RTF2: variants seen among roughly 807,000 people sequenced by gnomAD.
RTF2 encodes the protein UPF0549 protein C20orf43.
In RTF2, 18 loss-of-function variants were observed where a neutral mutation model predicts 38.0. That is an observed-to-expected ratio of 0.47 (90% CI 0.33 to 0.70). The LOEUF is 0.70. Ranked by LOEUF, RTF2 falls within the 30% of genes least tolerant of loss-of-function variation. The probability of loss-of-function intolerance (pLI) is 0.02; values close to 1 mark genes in which losing one functional copy is unlikely to be tolerated. For synonymous variants in RTF2, 126 were observed against 137.1 expected, an observed-to-expected ratio of 0.92 and a Z score of 0.57; for missense variants, 311 against 379.6, an observed-to-expected ratio of 0.82 and a Z score of 1.50.
intron 4 of RTF2, among the ~76,000 whole-genome samples, chr20:56,480,121 C>T (rs6127763): frequency 0.83 from 125,972 of 152,156 alleles, 52,366 homozygotes; most frequent in East Asian, 0.99. Flanking sequence ...CTTCTTTCAA[C>T]ACAGGGCTAT....
intron 5 of RTF2, chr20:56,497,034 A>G (rs983473029): frequency 1.3e-6 from 2 of 1,551,758 alleles, no homozygotes; most frequent in South Asian, 1.2e-5. Flanking sequence ...TTTAGAATGC[A>G]CTAGAACTTT....
At chr20:56,496,833 G>A (rs1600815521) in intron 5 of RTF2, 1 of 1,551,738 alleles carries the variant, frequency 6.4e-7, no homozygotes, top group Admixed American at 2.0e-5. Context: ...ATTTGGAGGT[G>A]CATAGATACT....
chr20:56,507,717 G>T (rs1414599155), intron 5 of RTF2, among the ~76,000 whole-genome samples: 1 of 152,158 alleles, frequency 6.6e-6, no homozygotes, highest in Non-Finnish European at 1.5e-5. Context: ...AAAAAGAAAG[G>T]TGGGGGCAGC....
chr20:56,491,773 G>A (rs764438026), intron 5 of RTF2: 5 of 1,550,662 alleles, frequency 3.2e-6, no homozygotes, highest in African/African-American at 1.4e-5. Context: ...AGATGTCTTC[G>A]ACGTAGCGGC....
chr20:56,495,237 T>C, intron 5 of RTF2: 1 of 1,551,684 alleles, frequency 6.4e-7, no homozygotes, highest in Non-Finnish European at 8.7e-7. Flanking sequence ...TTCCTCACTT[T>C]TCCGCTTAAT....
intron 8 of RTF2, among the ~76,000 whole-genome samples, chr20:56,517,453 T>G (rs915874741): frequency 6.6e-6 from 1 of 152,028 alleles, no homozygotes; most frequent in Non-Finnish European, 1.5e-5. Context: ...AGTAAGTGCT[T>G]GGTGCCAAGC....
At position 56,470,917 on chromosome 20, in the gene RTF2, ATGTATT is replaced by A. The variant is rs1320453574; in HGVS notation, c.69+2156_69+2161del. On this transcript the variant is annotated intron_variant, in intron 1 of 8. Coordinates refer to ENST00000357348, the MANE Select transcript of RTF2 (RefSeq NM_016407.5). ...TGGCTATTTATTTGTATCCTTTAAA[ATGTATT>A]TGTAATAAATCAGCAATGGTAACTA... 2.8e-5 allele frequency: 7 copies of A among 248,700 alleles called. No homozygotes were observed. In the East Asian group the frequency reaches 5.8e-4, roughly 20 times the overall value. 15.4% of individuals were successfully genotyped at this position (248,700 alleles called of 1,614,324 possible).
intron 1 of RTF2, among the ~76,000 whole-genome samples, chr20:56,470,395 A>G (rs910208304): frequency 2.0e-5 from 3 of 152,214 alleles, no homozygotes; most frequent in Non-Finnish European, 4.4e-5. Context: ...TATTATAACT[A>G]TTCACACAAC....
Position 56,486,455 on chromosome 20 carries a change from C to G in RTF2, c.477+2266C>G, listed in dbSNP as rs144411137. ...CCTGAGGTCAGGAGTTCAAGACCAG[C>G]CTGGCCAACATAGTAAAACCCTGTC... On this transcript the variant is annotated intron_variant, in intron 5 of 8. Transcript: ENST00000357348. Among the ~76,000 whole-genome samples the G allele has an allele frequency of 5.0e-3, 763 of 152,230 alleles. 2 individuals are homozygous for G. The highest frequency in any genetic ancestry group is 8.2e-3 in the Non-Finnish European group (560 of 67,992).
At chr20:56,509,511 G>A (rs987514089) in intron 5 of RTF2, among the ~76,000 whole-genome samples, 21 of 151,844 alleles carry the variant, frequency 1.4e-4, no homozygotes, top group African/African-American at 4.8e-4. Context: ...TACCCAGGAG[G>A]CTGAAGCAGG....
chr20:56,510,236 T>A (rs1984556663), intron 5 of RTF2, among the ~76,000 whole-genome samples: 1 of 152,236 alleles, frequency 6.6e-6, no homozygotes, highest in African/African-American at 2.4e-5. Flanking sequence ...GTTATGTAAA[T>A]GAGATTTCAG....
intron 5 of RTF2, among the ~76,000 whole-genome samples, chr20:56,492,846 C>G (rs926481474): frequency 6.6e-6 from 1 of 150,632 alleles, no homozygotes; most frequent in Non-Finnish European, 1.5e-5. Flanking sequence ...CCTTCCTGCT[C>G]TCTTTCCTCA....
chr20:56,481,855 C>G (rs1203696810), intron 4 of RTF2, among the ~76,000 whole-genome samples: 7 of 152,222 alleles, frequency 4.6e-5, no homozygotes, highest in Non-Finnish European at 8.8e-5. Context: ...TTTACCTCTT[C>G]TGGATATTTC....
intron 3 of RTF2, 81 bp downstream of exon 3, chr20:56,474,852 A>G (rs1474890): frequency 0.4 from 347,896 of 865,338 alleles, 77,874 homozygotes; most frequent in East Asian, 0.94. Flanking sequence ...CGCCTTAAAG[A>G]CTGAACTCAG....
intron 5 of RTF2, among the ~76,000 whole-genome samples, chr20:56,506,964 T>C (rs1984319889): frequency 6.6e-6 from 1 of 152,206 alleles, no homozygotes; most frequent in Admixed American, 6.5e-5. Context: ...CCTTCCAAAG[T>C]ACTGGGATTA....
At chr20:56,497,080 C>G in intron 5 of RTF2, 1 of 1,551,700 alleles carries the variant, frequency 6.4e-7, no homozygotes, top group East Asian at 2.4e-5. Flanking sequence ...CTTGTAAAGC[C>G]AGCATAAGCC....
chr20:56,476,871 A>G (rs777961902), intron 3 of RTF2, 114 bp from the exon 4 acceptor site: 35 of 937,834 alleles, frequency 3.7e-5, no homozygotes, highest in Non-Finnish European at 5.6e-5. Flanking sequence ...AGTAACTGTG[A>G]GGGAGAGGTT....
At chr20:56,484,300 T>G in intron 5 of RTF2, 111 bp downstream of exon 5, 1 of 923,388 alleles carries the variant, frequency 1.1e-6, no homozygotes, top group African/African-American at 1.6e-5. Context: ...CATAAGTTGC[T>G]TTTCTGCTTC....
chr20:56,474,841 A>G (rs1178611504), intron 3 of RTF2, 70 bp downstream of exon 3: 13 of 1,023,756 alleles, frequency 1.3e-5, no homozygotes, highest in African/African-American at 3.2e-5. Context: ...TAGAATTTAT[A>G]CGCCTTAAAG....
Sources: gnomAD v4.1 joint callset for allele counts (sites outside exome capture counted in the v4.1 genomes callset) on GRCh38, gnomAD v4.1.1 for gene constraint, MANE v1.5 for transcripts, NCBI Gene and HGNC (gene_info 2026-07-23, HGNC 2026-07-21) for gene names.